GOLT1B: variants seen among roughly 807,000 people sequenced by gnomAD.
The protein encoded by GOLT1B is vesicle transport protein GOT1B.
Under a neutral mutation model 15.4 loss-of-function variants are expected in GOLT1B, and 3 were observed. That is an observed-to-expected ratio of 0.19 (90% confidence interval 0.09 to 0.50). The LOEUF (loss-of-function observed/expected upper bound fraction) is 0.50, where lower values mean the gene tolerates loss of function less well. Ranked by LOEUF, GOLT1B falls within the 20% of genes least tolerant of loss-of-function variation. The probability of loss-of-function intolerance (pLI) is 0.97; values close to 1 mark genes in which losing one functional copy is unlikely to be tolerated. For synonymous variants in GOLT1B, 65 were observed against 56.2 expected, an observed-to-expected ratio of 1.16 and a Z score of -0.70; for missense variants, 145 against 160.4, an observed-to-expected ratio of 0.90 and a Z score of 0.52.
At chr12:21,505,139 G>A (rs960609116) in intron 1 of GOLT1B, among the ~76,000 whole-genome samples, 12 of 152,140 alleles carry the variant, frequency 7.9e-5, no homozygotes, top group African/African-American at 2.9e-4. Context: ...GAAGTATTAA[G>A]TTATATATAA....
At chr12:21,507,857 T>C (rs746469369) in intron 2 of GOLT1B, 1 of 424,656 alleles carries the variant, frequency 2.4e-6, no homozygotes, top group Non-Finnish European at 4.6e-6. Flanking sequence ...CCAGATATTC[T>C]AGAATTTATA....
chr12:21,513,228 A>G (rs1312501695), intron 4 of GOLT1B, among the ~76,000 whole-genome samples: 1 of 152,182 alleles, frequency 6.6e-6, no homozygotes, highest in African/African-American at 2.4e-5. Flanking sequence ...AATAAAGGGA[A>G]TCAAATCAGA....
chr12:21,507,928 T>A (rs1320429918), intron 2 of GOLT1B: 1 of 454,458 alleles, frequency 2.2e-6, no homozygotes, highest in Non-Finnish European at 4.4e-6. Context: ...CATGTCAATA[T>A]TTCTCCCATC....
intron 1 of GOLT1B, among the ~76,000 whole-genome samples, chr12:21,502,280 A>G (rs1345970616): frequency 6.6e-6 from 1 of 152,142 alleles, no homozygotes; most frequent in Non-Finnish European, 1.5e-5. Context: ...GGGGCTTGCC[A>G]CAAGAGAAAG....
At chr12:21,511,484 C>T (rs530382365) in intron 3 of GOLT1B, among the ~76,000 whole-genome samples, 3 of 152,240 alleles carry the variant, frequency 2.0e-5, no homozygotes, top group African/African-American at 7.2e-5. Context: ...AGCTTCACAG[C>T]CCCCCTCCCC....
intron 4 of GOLT1B, among the ~76,000 whole-genome samples, chr12:21,513,090 A>AG (rs1943731826): frequency 6.7e-6 from 1 of 149,442 alleles, no homozygotes; most frequent in African/African-American, 2.5e-5. Flanking sequence ...AAAAAAAAAA[A>AG]AAGAGTTGAA....
At position 21,516,133 on chromosome 12, in the gene GOLT1B, A is replaced by G. The variant is rs1001973375; in HGVS notation, c.*426A>G. The G allele has an allele frequency of 6.5e-6, 1 of 154,592 alleles. No individual in the cohort carries two copies. Among genetic ancestry groups the G allele is most frequent in the Non-Finnish European group, 1.4e-5 (1 of 69,776 alleles). 9.6% of individuals were successfully genotyped at this position (154,592 alleles called of 1,614,324 possible). ...GCAAAAATATTTCCAGTTGCACTGT[A>G]TCTCTGGAAGTGATGCATGAATTCG... is the stretch of plus-strand genomic sequence containing the variant. On this transcript the variant is annotated 3_prime_UTR_variant, in exon 5 of 5. Transcript: ENST00000229314.
intron 1 of GOLT1B, among the ~76,000 whole-genome samples, chr12:21,505,769 G>A (rs754154027): frequency 1.8e-4 from 28 of 152,144 alleles, no homozygotes; most frequent in Non-Finnish European, 3.5e-4. Context: ...TTTAAATTGT[G>A]CTTCTAAAAA....
chr12:21,504,600 C>G (rs1319296216), intron 1 of GOLT1B: 1 of 507,134 alleles, frequency 2.0e-6, no homozygotes, highest in Admixed American at 2.0e-5. Flanking sequence ...GCCTCCATAC[C>G]ACCAGCACCC....
intron 1 of GOLT1B, chr12:21,504,521 T>C: frequency 2.0e-6 from 1 of 493,558 alleles, no homozygotes; most frequent in Non-Finnish European, 4.1e-6. Context: ...TCCCATGTTG[T>C]AGTTGTAGGA....
intron 2 of GOLT1B, chr12:21,508,038 C>T: frequency 2.3e-6 from 1 of 437,448 alleles, no homozygotes; most frequent in East Asian, 7.2e-5. Flanking sequence ...GCCTTGCCAA[C>T]TCATCTGCTT....
At chr12:21,511,913 TA>T (rs1170394358) in intron 3 of GOLT1B, among the ~76,000 whole-genome samples, 2 of 152,196 alleles carry the variant, frequency 1.3e-5, no homozygotes, top group African/African-American at 4.8e-5. Flanking sequence ...ATCTGGCAGG[TA>T]GTCTCTTAGT....
rs960224813 is a variant in GOLT1B, at chr12:21,515,923, C to T, written c.*216C>T. On this transcript the variant is annotated 3_prime_UTR_variant, in exon 5 of 5. Coordinates refer to ENST00000229314, the MANE Select transcript of GOLT1B (RefSeq NM_016072.5). ...AACTAAGAAGAAGTCAGCAAGCAAA[C>T]TGAGAGAGGTGAAATCCATGTTAAT... is the stretch of plus-strand genomic sequence containing the variant. The T allele has an allele frequency of 1.4e-5, 6 of 439,756 alleles. No homozygotes were observed. Among genetic ancestry groups the T allele is most frequent in the Non-Finnish European group, 2.0e-5 (5 of 252,564 alleles). 27.2% of individuals were successfully genotyped at this position (439,756 alleles called of 1,614,324 possible). A position where few individuals can be genotyped will look rare whatever the true frequency, so the allele number is the denominator to read the frequency against.
At position 21,501,810 on chromosome 12, in the gene GOLT1B, C is replaced by T. The variant is rs1943626865; in HGVS notation, c.-114C>T. Reference sequence around the variant, plus strand: ...CGGCAGTGAGGGTGGCTGCGTGTTTCCGGAAGACGTGGCGGCTCTCGCCTG... The same window carrying T: ...CGGCAGTGAGGGTGGCTGCGTGTTTTCGGAAGACGTGGCGGCTCTCGCCTG... On this transcript the variant is annotated 5_prime_UTR_variant, in exon 1 of 5. Coordinates refer to ENST00000229314, the MANE Select transcript of GOLT1B (RefSeq NM_016072.5). The T allele has an allele frequency of 2.7e-6, 2 of 751,986 alleles. No individual in the cohort carries two copies. The highest frequency in any genetic ancestry group is 3.4e-5 in the African/African-American group (2 of 58,760). 46.6% of individuals were successfully genotyped at this position (751,986 alleles called of 1,614,324 possible).
chr12:21,504,472 C>T (rs1017034928), intron 1 of GOLT1B: 7 of 454,106 alleles, frequency 1.5e-5, no homozygotes, highest in Non-Finnish European at 2.7e-5. Flanking sequence ...CAATGTCTCC[C>T]GCTGGACTGT....
chr12:21,510,254 C>A (rs1168928268), intron 3 of GOLT1B, among the ~76,000 whole-genome samples: 1 of 152,068 alleles, frequency 6.6e-6, no homozygotes, highest in African/African-American at 2.4e-5. Context: ...GGGAGAAGAA[C>A]TAGGAGTAAA....
At chr12:21,508,120 A>G (rs1943692537) in intron 2 of GOLT1B, 4 of 430,940 alleles carry the variant, frequency 9.3e-6, no homozygotes, top group Non-Finnish European at 1.3e-5. Context: ...GTAACGTCTA[A>G]TCTTTCTTTG....
At chr12:21,506,345 A>G (rs995279137) in intron 1 of GOLT1B, among the ~76,000 whole-genome samples, 2 of 152,060 alleles carry the variant, frequency 1.3e-5, no homozygotes, top group African/African-American at 4.8e-5. Context: ...GATTTTCGAA[A>G]TATTTCTTGT....
rs1456571554 is a variant in GOLT1B, at chr12:21,503,495, T to G, written c.25+1547T>G. Among the ~76,000 whole-genome samples the G allele has an allele frequency of 2.0e-5, 3 of 152,148 alleles. No homozygotes were observed. In the South Asian group the frequency reaches 6.2e-4, roughly 32 times the overall value. ...GCATAGAAATTATATTTTTGAAGACTTAATATAGTGATGAGTGCCTGCTTT... is the reference window on the plus strand; with the variant it reads ...GCATAGAAATTATATTTTTGAAGACGTAATATAGTGATGAGTGCCTGCTTT... On this transcript the variant is annotated intron_variant, in intron 1 of 4. Coordinates refer to ENST00000229314, the MANE Select transcript of GOLT1B (RefSeq NM_016072.5).
Sources: gnomAD v4.1 joint callset for allele counts (sites outside exome capture counted in the v4.1 genomes callset) on GRCh38, gnomAD v4.1.1 for gene constraint, MANE v1.5 for transcripts, NCBI Gene and HGNC (gene_info 2026-07-23, HGNC 2026-07-21) for gene names.